Variants in STAP1 observed in about 807,000 individuals in gnomAD.
The protein encoded by STAP1 is signal-transducing adaptor protein 1.
Under a neutral mutation model 37.8 loss-of-function variants are expected in STAP1, and 30 were observed. The ratio of observed to expected loss-of-function variants is 0.79; its 90% CI spans 0.59 to 1.08. The LOEUF (loss-of-function observed/expected upper bound fraction) is 1.08. STAP1 is among the 50% of genes least tolerant of loss of function. The pLI, the probability that STAP1 is intolerant of heterozygous loss-of-function variation, is 0.00. For synonymous variants in STAP1, 130 were observed against 116.0 expected (o/e 1.12, Z -0.78); for missense variants, 357 against 349.4 (o/e 1.02, Z -0.17).
chr4:67,572,174 T>G (rs573255482), intron 2 of STAP1, among the ~76,000 whole-genome samples: 1 of 152,284 alleles, frequency 6.6e-6, no homozygotes, highest in South Asian at 2.1e-4. Context: ...ACCCCACCTC[T>G]CTGTGTCTCA....
In STAP1 at chr4:67,583,666, G is replaced by A; in HGVS notation, c.623G>A (p.Ser208Asn). The change falls in exon 6 of 9, where the codon AGT becomes AAT. Residue 208 changes from serine to asparagine, a missense_variant. Ser to Asn is a conservative substitution (Grantham distance 46). Transcript: ENST00000265404. ...GNMILRPGSD[S>N]RNYSITIRQE... ...ATGATCCTGAGGCCTGGTAGTGACA[G>A]TAGAAACTACTCCATCACTATTCGG... is the stretch of plus-strand genomic sequence containing the variant. The A allele has an allele frequency of 6.2e-7, 1 of 1,613,668 alleles. No individual in the cohort carries two copies. The highest frequency in any genetic ancestry group is 8.5e-7 in the Non-Finnish European group (1 of 1,179,756).
At chr4:67,606,085 G>GA (rs1728443544) in intron 8 of STAP1, among the ~76,000 whole-genome samples, 1 of 151,818 alleles carries the variant, frequency 6.6e-6, no homozygotes, top group Non-Finnish European at 1.5e-5. Flanking sequence ...TAAAGAGGAA[G>GA]AAAAAAATTA....
chr4:67,570,582 A>G (rs575924745), intron 1 of STAP1, among the ~76,000 whole-genome samples: 1 of 152,192 alleles, frequency 6.6e-6, no homozygotes, highest in East Asian at 1.9e-4. Context: ...GGATTGCTTG[A>G]GCCCAGGAGT....
At chr4:67,583,798 T>C in intron 6 of STAP1, 96 bp downstream of exon 6, 1 of 1,424,440 alleles carries the variant, frequency 7.0e-7, no homozygotes, top group South Asian at 1.4e-5. Flanking sequence ...TCGTTGGGGC[T>C]GAAAATATGA....
intron 4 of STAP1, among the ~76,000 whole-genome samples, chr4:67,578,174 G>A (rs951813281): frequency 2.0e-5 from 3 of 152,166 alleles, no homozygotes; most frequent in African/African-American, 7.2e-5. Flanking sequence ...AACTCTTGCA[G>A]TAAGATAATG....
intron 8 of STAP1, among the ~76,000 whole-genome samples, chr4:67,602,695 C>T (rs1329473056): frequency 6.6e-6 from 1 of 152,122 alleles, no homozygotes; most frequent in African/African-American, 2.4e-5. Context: ...TTACTTTCCC[C>T]CCAACAAATG....
chr4:67,581,539 G>A lies in STAP1; in HGVS notation c.530+68G>A, dbSNP rs142860224. On this transcript the variant is annotated intron_variant, in intron 5 of 8. Coordinates refer to ENST00000265404, the MANE Select transcript of STAP1 (RefSeq NM_012108.4). ...AACTAATTTCTAATTATAAAGGAGA[G>A]TTAGTCACTTGCTCTTGTTAAGCCA... is the stretch of plus-strand genomic sequence containing the variant. The A allele has an allele frequency of 1.3e-3, 1,967 of 1,512,904 alleles. 19 individuals are homozygous for A. In the African/African-American group the frequency reaches 0.024, roughly 18 times the overall value. The allele number at this position is 1,512,904 out of a possible 1,614,324, so 93.7% of individuals were successfully genotyped here. A position where few individuals can be genotyped will look rare whatever the true frequency, so the allele number is the denominator to read the frequency against.
intron 6 of STAP1, among the ~76,000 whole-genome samples, chr4:67,583,905 T>C (rs1727923380): frequency 6.6e-6 from 1 of 152,130 alleles, no homozygotes; most frequent in Non-Finnish European, 1.5e-5. Flanking sequence ...GAGACTACCC[T>C]GGCTAACACG....
At chr4:67,564,570 G>T (rs1033402405) in intron 1 of STAP1, among the ~76,000 whole-genome samples, 2 of 152,040 alleles carry the variant, frequency 1.3e-5, no homozygotes, top group African/African-American at 4.8e-5. Context: ...TTTGACTTCA[G>T]GGTTTTCTCT....
chr4:67,603,647 G>C (rs1728391191), intron 8 of STAP1, among the ~76,000 whole-genome samples: 1 of 152,096 alleles, frequency 6.6e-6, no homozygotes, highest in South Asian at 2.1e-4. Flanking sequence ...ATTCCCTTCT[G>C]GCCCAGGGCG....
chr4:67,586,795 T>C (rs374078322), intron 6 of STAP1, among the ~76,000 whole-genome samples: 61 of 152,330 alleles, frequency 4.0e-4, no homozygotes, highest in African/African-American at 1.5e-3. Context: ...TTTTGTTAGC[T>C]GATGGTCATC....
chr4:67,578,636 G>A (rs1727780560), intron 4 of STAP1, among the ~76,000 whole-genome samples: 1 of 152,070 alleles, frequency 6.6e-6, no homozygotes, highest in African/African-American at 2.4e-5. Context: ...AAAGGTATGT[G>A]ACTAAGTATC....
Position 67,607,296 on chromosome 4 carries a change from C to A in STAP1, c.*939C>A, listed in dbSNP as rs569300102. 16 of 152,244 alleles carry A rather than the reference C, an allele frequency of 1.1e-4. No individual in the cohort carries two copies. The highest frequency in any genetic ancestry group is 3.9e-4 in the African/African-American group (16 of 41,536). 9.4% of individuals were successfully genotyped at this position (152,244 alleles called of 1,614,324 possible). A position where few individuals can be genotyped will look rare whatever the true frequency, so the allele number is the denominator to read the frequency against. Reference sequence around the variant, plus strand: ...TCAACCTGGCCAAAACCTTGAAAATCCGGCTTCTTGACTTGTGAGAAAATA... The same window carrying A: ...TCAACCTGGCCAAAACCTTGAAAATACGGCTTCTTGACTTGTGAGAAAATA... On this transcript the variant is annotated 3_prime_UTR_variant, in exon 9 of 9. Transcript: ENST00000265404.
At chr4:67,589,007 C>T (rs116576844) in intron 6 of STAP1, among the ~76,000 whole-genome samples, 1,899 of 152,302 alleles carry the variant, frequency 0.012, 22 homozygotes, top group Non-Finnish European at 0.021. Context: ...GGCAAGGCAC[C>T]ATCTCCATTT....
intron 8 of STAP1, among the ~76,000 whole-genome samples, chr4:67,600,056 G>C (rs746051679): frequency 6.6e-5 from 10 of 152,028 alleles, no homozygotes; most frequent in Middle Eastern, 3.4e-3. Flanking sequence ...GGTTTGGTTT[G>C]TTCTTGCTTT....
At chr4:67,592,941 C>T (rs1283429083) in intron 7 of STAP1, among the ~76,000 whole-genome samples, 1 of 152,168 alleles carries the variant, frequency 6.6e-6, no homozygotes, top group African/African-American at 2.4e-5. Context: ...ACCTGGACTT[C>T]CCAAAGTGCT....
At chr4:67,569,427 CT>C (rs570323945) in intron 1 of STAP1, among the ~76,000 whole-genome samples, 357 of 152,148 alleles carry the variant, frequency 2.3e-3, no homozygotes, top group Admixed American at 6.1e-3. Flanking sequence ...AAATGTTTTT[CT>C]TTTTCATTAA....
intron 1 of STAP1, among the ~76,000 whole-genome samples, chr4:67,569,225 G>C (rs559881949): frequency 6.6e-6 from 1 of 152,300 alleles, no homozygotes; most frequent in East Asian, 1.9e-4. Flanking sequence ...AGCAAAAGCA[G>C]AGTAGAAATA....
chr4:67,598,766 G>C (rs953184821), intron 8 of STAP1, among the ~76,000 whole-genome samples: 1 of 151,944 alleles, frequency 6.6e-6, no homozygotes, highest in Non-Finnish European at 1.5e-5. Context: ...TTGTTGTGCA[G>C]AAGATTTTTA....
Sources: gnomAD v4.1 joint callset for allele counts (sites outside exome capture counted in the v4.1 genomes callset) on GRCh38, gnomAD v4.1.1 for gene constraint, MANE v1.5 for transcripts, NCBI Gene and HGNC (gene_info 2026-07-23, HGNC 2026-07-21) for gene names.